The following LENG8 variants were observed in gnomAD, a reference collection of about 807,000 sequenced individuals.
LENG8 encodes leukocyte receptor cluster member 8, also known as leukocyte receptor cluster (LRC) member 8.
A neutral mutation model predicts 102.1 loss-of-function variants in LENG8; 28 were observed. The ratio of observed to expected loss-of-function variants is 0.27; its 90% CI spans 0.20 to 0.38. The LOEUF is 0.38. Among genes scored for constraint, LENG8 ranks in the 10% least tolerant of loss-of-function variants. LENG8 has a pLI of 1.00. For missense variants in LENG8, 1,022 were observed against 1,113.9 expected, an observed-to-expected ratio of 0.92 and a Z score of 1.17; for synonymous variants, 531 against 456.7, an observed-to-expected ratio of 1.16 and a Z score of -2.07.
chr19:54,452,077 T>G lies in LENG8; in HGVS notation c.39-16T>G, dbSNP rs757129712. ...TGGGGAGAACAGGTGTGACTTGATGTCCTCTCTCTCTGCAGGTCTTCTCAG... is the reference window on the plus strand; with the variant it reads ...TGGGGAGAACAGGTGTGACTTGATGGCCTCTCTCTCTGCAGGTCTTCTCAG... On this transcript the variant is annotated splice_polypyrimidine_tract_variant and intron_variant, in intron 2 of 15. Transcript: ENST00000326764. 6.3e-7 allele frequency: 1 copy of G among 1,599,268 alleles called. No individual in the cohort carries two copies. The highest frequency in any genetic ancestry group is 2.2e-5 in the East Asian group (1 of 44,620).
In LENG8 at chr19:54,461,036, G is replaced by C; in HGVS notation, c.*108G>C. 1 of 1,487,448 alleles carries C rather than the reference G, an allele frequency of 6.7e-7. No individual in the cohort carries two copies. 92.1% of individuals were successfully genotyped at this position (1,487,448 alleles called of 1,614,324 possible). ...GGTTGTAAATTTATTTGTGGGGAGT[G>C]CGCTCCAGGAAGAGCCACCATCCCT... On this transcript the variant is annotated 3_prime_UTR_variant, in exon 16 of 16. Transcript: ENST00000326764.
rs369167160 is a variant in LENG8, at chr19:54,452,671, C to T, written c.234C>T (p.Ala78=). ...ASAQYVSQAE[A]SALQQQQYYQ... The stretch of plus-strand genomic sequence containing the variant: ...CACAGTACGTGTCCCAGGCAGAAGC[C>T]TCAGCTTTGCAGCAGCAGCAGTACT... Residue 78 remains alanine, a synonymous_variant, in exon 4 of 16, where the codon GCC becomes GCT. Transcript: ENST00000326764. The T allele has an allele frequency of 7.4e-6, 12 of 1,613,954 alleles. No homozygotes were observed. The highest frequency in any genetic ancestry group is 1.3e-5 in the African/African-American group (1 of 74,914).
chr19:54,456,494 G>A (rs372275538), intron 10 of LENG8, 29 bp downstream of exon 10: 16 of 1,582,804 alleles, frequency 1.0e-5, no homozygotes, highest in East Asian at 9.0e-5. Context: ...TCGACACACG[G>A]GCCAGGGTGG....
At position 54,460,777 on chromosome 19, in the gene LENG8, C is replaced by A. The variant is rs758928647; in HGVS notation, c.2252C>A (p.Ala751Glu). The change falls in exon 16 of 16, where the codon GCG (alanine) becomes GAG (glutamate). Residue 751 changes from alanine to glutamate, a missense_variant. Physicochemically the swap from Ala to Glu is moderately radical, Grantham distance 107 (BLOSUM62 -1). This residue lies in a region of LENG8 where 129 missense variants were observed against 123.0 expected (regional missense o/e 1.05). Transcript: ENST00000326764. ...LKAMIKTFRP[A>E]LPVSYLQAEL... ...TCTTGTCTCCATAGCTTCCGCCCTG[C>A]GCTGCCAGTCTCCTACCTGCAGGCC... 1.3e-6 allele frequency: 2 copies of A among 1,583,606 alleles called. No individual in the cohort carries two copies. Among genetic ancestry groups the A allele is most frequent in the Non-Finnish European group, 1.7e-6 (2 of 1,166,494 alleles).
At chr19:54,458,614 C>A in intron 15 of LENG8, 93 bp downstream of exon 15, 1 of 1,576,616 alleles carries the variant, frequency 6.3e-7, no homozygotes, top group Non-Finnish European at 8.6e-7. Flanking sequence ...AGGCCTCCCC[C>A]AGCCCCCAAC....
chr19:54,458,853 C>T (rs951877733), intron 15 of LENG8: 3 of 1,550,662 alleles, frequency 1.9e-6, no homozygotes, highest in Non-Finnish European at 1.7e-6. Flanking sequence ...CCTGGGCTTC[C>T]TCAGAACCCT....
chr19:54,460,535 C>T, intron 15 of LENG8: 1 of 1,407,146 alleles, frequency 7.1e-7, no homozygotes, highest in Non-Finnish European at 9.2e-7. Context: ...CTCCCTGGCC[C>T]CCGCACAGGT....
Position 54,460,948 on chromosome 19 carries a change from G to GGGGGCA in LENG8, c.*26_*31dup, listed in dbSNP as rs1569310766. ...TTCTGAGCACCCAGCGAGGAGGGGC[G>GGGGGCA]GGGGCAGGGGCTGCAGCCCCCAGCG... On this transcript the variant is annotated 3_prime_UTR_variant, in exon 16 of 16. Coordinates refer to ENST00000326764, the MANE Select transcript of LENG8 (RefSeq NM_052925.4). 3 of 1,526,034 alleles carry GGGGGCA rather than the reference G, an allele frequency of 2.0e-6. No homozygotes were observed. The highest frequency in any genetic ancestry group is 1.4e-5 in the African/African-American group (1 of 73,108). The allele number at this position is 1,526,034 out of a possible 1,614,324, so 94.5% of individuals were successfully genotyped here. A position where few individuals can be genotyped will look rare whatever the true frequency, so the allele number is the denominator to read the frequency against.
chr19:54,458,700 G>T (rs1360383339), intron 15 of LENG8, 179 bp downstream of exon 15: 1 of 1,551,206 alleles, frequency 6.4e-7, no homozygotes, highest in Non-Finnish European at 8.7e-7. Context: ...TGCTCTCCTT[G>T]TTGGTCACCT....
Position 54,461,183 on chromosome 19 carries a change from G to A in LENG8, c.*255G>A. The A allele has an allele frequency of 1.5e-6, 1 of 685,936 alleles. No homozygotes were observed. Among genetic ancestry groups the A allele is most frequent in the Non-Finnish European group, 2.7e-6 (1 of 375,424 alleles). 42.5% of individuals were successfully genotyped at this position (685,936 alleles called of 1,614,324 possible). A position where few individuals can be genotyped will look rare whatever the true frequency, so the allele number is the denominator to read the frequency against. On this transcript the variant is annotated 3_prime_UTR_variant, in exon 16 of 16. Transcript: ENST00000326764. ...CGGAGGGTTGGGGGCATGGTCTGCAGGCTCATCTGTGTCCGCCTTTCACTC... is the reference window on the plus strand; with the variant it reads ...CGGAGGGTTGGGGGCATGGTCTGCAAGCTCATCTGTGTCCGCCTTTCACTC...
intron 15 of LENG8, chr19:54,458,945 C>T (rs1021493686): frequency 1.9e-5 from 29 of 1,505,526 alleles, no homozygotes; most frequent in Non-Finnish European, 2.3e-5. Flanking sequence ...AGGACAAGGC[C>T]CAGTCCCACT....
chr19:54,456,611 C>G (rs893415284), intron 10 of LENG8, 25 bp from the exon 11 acceptor site: 1 of 1,593,980 alleles, frequency 6.3e-7, no homozygotes, highest in Admixed American at 1.7e-5. Context: ...GCCTGTCGCG[C>G]TCACTGCCCC....
intron 8 of LENG8, 51 bp downstream of exon 8, chr19:54,455,618 G>A: frequency 1.3e-6 from 2 of 1,513,722 alleles, no homozygotes; most frequent in Non-Finnish European, 1.8e-6. Flanking sequence ...TGAGAGGCAT[G>A]GGCTGGGTAT....
chr19:54,454,719 G>A (rs753192461), intron 6 of LENG8, 37 bp downstream of exon 6: 4 of 1,552,506 alleles, frequency 2.6e-6, no homozygotes, highest in Non-Finnish European at 2.6e-6. Flanking sequence ...CCGAGCGGTT[G>A]GGCCCTCATA....
rs113629258 is a variant in LENG8 at position 54,456,647 on chromosome 19, C to T, written c.1457C>T (p.Ala486Val). 3.7e-6 allele frequency: 6 copies of T among 1,610,060 alleles called. No individual in the cohort carries two copies. The African/African-American group carries it at 4.0e-5, about 11-fold the overall frequency. ...RAQRGKRHDL[A>V]PTKRSRKKMA... Reference sequence around the variant, plus strand: ...TCATCCCTTCCTAGGCACGATCTGGCGCCCACCAAGCGCAGTCGAAAGAAG... The same window carrying T: ...TCATCCCTTCCTAGGCACGATCTGGTGCCCACCAAGCGCAGTCGAAAGAAG... The change falls in exon 11 of 16, where the codon GCG (alanine) becomes GTG (valine). Residue 486 changes from alanine (A) to valine (V), a missense_variant. Physicochemically the swap from Ala to Val is moderately conservative, Grantham distance 64. Transcript: ENST00000326764.
At chr19:54,455,844 C>G in intron 8 of LENG8, 123 bp from the exon 9 acceptor site, 1 of 1,094,400 alleles carries the variant, frequency 9.1e-7, no homozygotes, top group Admixed American at 2.7e-5. Context: ...ACTGTAGTAG[C>G]TGAGCCGCCT....
chr19:54,461,294 C>CG lies in LENG8; in HGVS notation c.*372dup, dbSNP rs542930989. On this transcript the variant is annotated 3_prime_UTR_variant, in exon 16 of 16. Coordinates refer to ENST00000326764, the MANE Select transcript of LENG8 (RefSeq NM_052925.4). The stretch of plus-strand genomic sequence containing the variant: ...CCCGGCGCCCTGGCCCATCCCATGC[C>CG]GGGGGGCCAGTGGAAAGAAGACAGG... 43 of 468,916 alleles carry CG rather than the reference C, an allele frequency of 9.2e-5. No homozygotes were observed. Among genetic ancestry groups the CG allele is most frequent in the African/African-American group, 7.3e-4 (37 of 50,628 alleles). 29.0% of individuals were successfully genotyped at this position (468,916 alleles called of 1,614,324 possible). A position where few individuals can be genotyped will look rare whatever the true frequency, so the allele number is the denominator to read the frequency against.
chr19:54,458,814 C>G (rs1198139245), intron 15 of LENG8: 6 of 1,550,974 alleles, frequency 3.9e-6, no homozygotes, highest in Non-Finnish European at 5.2e-6. Context: ...CTGTTCTCTC[C>G]TGCCTGGACC....
chr19:54,461,997 T>C lies in LENG8; in HGVS notation c.*1069T>C. The C allele has an allele frequency of 7.1e-7, 1 of 1,416,472 alleles. No homozygotes were observed. The highest frequency in any genetic ancestry group is 9.7e-7 in the Non-Finnish European group (1 of 1,030,740). 87.7% of individuals were successfully genotyped at this position (1,416,472 alleles called of 1,614,324 possible). The stretch of plus-strand genomic sequence containing the variant: ...TTTGGAAGCTTGAGAGAAACCAAAA[T>C]TAAAGAGAGAAAGAGAGAGCGTGCA... On this transcript the variant is annotated 3_prime_UTR_variant, in exon 16 of 16. Coordinates refer to ENST00000326764, the MANE Select transcript of LENG8 (RefSeq NM_052925.4).
Sources: gnomAD v4.1 joint callset for allele counts on GRCh38, gnomAD v4.1.1 for gene constraint, gnomAD v4.1.1 regional missense constraint, MANE v1.5 for transcripts, NCBI Gene and HGNC (gene_info 2026-07-23, HGNC 2026-07-21) for gene names.